ATXN2: variants seen among roughly 807,000 people sequenced by gnomAD.
ATXN2 encodes ataxin-2.
A neutral mutation model predicts 138.6 loss-of-function variants in ATXN2; 37 were observed. The ratio of observed to expected loss-of-function variants is 0.27; its 90% CI spans 0.21 to 0.35. ATXN2 has a LOEUF of 0.35. Among genes scored for constraint, ATXN2 ranks in the 10% least tolerant of loss-of-function variants. The pLI is 1.00. For missense variants in ATXN2, 1,216 were observed against 1,480.3 expected (o/e 0.82, Z 2.93); for synonymous variants, 549 against 543.7 (o/e 1.01, Z -0.13).
chr12:111,464,633 T>C (rs1566005511), intron 21 of ATXN2, 29 bp downstream of exon 21: 1 of 1,557,702 alleles, frequency 6.4e-7, no homozygotes, highest in African/African-American at 1.4e-5. Flanking sequence ...ACTGTACAAT[T>C]AAAAATTAGT....
intron 18 of ATXN2, among the ~76,000 whole-genome samples, chr12:111,480,953 G>T (rs1005937940): frequency 3.3e-5 from 5 of 152,122 alleles, no homozygotes; most frequent in Non-Finnish European, 5.9e-5. Context: ...AAAACAAACA[G>T]ATAAATTGAA....
Position 111,453,332 on chromosome 12 carries a change from A to T in ATXN2, c.3439+345T>A. ...CTCTGCCATGGTAATAACCCCCCAC[A>T]TGTCAGACTTTTGGGACTCAGGAAG... On this transcript the variant is annotated intron_variant, in intron 24 of 24. Coordinates refer to ENST00000673436, the MANE Select transcript of ATXN2 (RefSeq NM_001372574.1). This position sits in a 1 kb window ranked among gnomAD's most constrained non-coding sequence, Gnocchi z 5.4. 9.2e-7 allele frequency: 1 copy of T among 1,086,680 alleles called. No individual in the cohort carries two copies. Among genetic ancestry groups the T allele is most frequent in the Non-Finnish European group, 1.1e-6 (1 of 895,560 alleles). The allele number at this position is 1,086,680 out of a possible 1,614,324, so 67.3% of individuals were successfully genotyped here.
intron 18 of ATXN2, 146 bp downstream of exon 18, chr12:111,485,119 T>C: frequency 1.6e-6 from 1 of 638,504 alleles, no homozygotes; most frequent in Non-Finnish European, 2.7e-6. Context: ...CATGTGAATA[T>C]CTATGTAATG....
chr12:111,508,486 G>A (rs972168526), intron 14 of ATXN2, among the ~76,000 whole-genome samples: 13 of 123,362 alleles, frequency 1.1e-4, no homozygotes, highest in Admixed American at 3.1e-4. Context: ...TTGCTCTGTC[G>A]CCCAGGATGG....
At chr12:111,599,543 T>C, upstream of ATXN2, 1 of 1,193,054 alleles carries the variant, frequency 8.4e-7, no homozygotes, top group Non-Finnish European at 1.0e-6. Context: ...AGGCGCCGGG[T>C]GGGAGCGGAG....
chr12:111,589,067 C>T (rs1884511082), intron 1 of ATXN2, among the ~76,000 whole-genome samples: 1 of 146,556 alleles, frequency 6.8e-6, no homozygotes, highest in South Asian at 2.2e-4. Flanking sequence ...GTAATCCCAG[C>T]ACTTTGGGAG....
intron 14 of ATXN2, among the ~76,000 whole-genome samples, chr12:111,509,274 A>T (rs1268483704): frequency 1.3e-5 from 2 of 152,174 alleles, no homozygotes; most frequent in Non-Finnish European, 2.9e-5. Flanking sequence ...CACTGAACAA[A>T]GTACAAATGA....
intron 18 of ATXN2, among the ~76,000 whole-genome samples, chr12:111,476,191 G>A (rs1023951012): frequency 3.3e-5 from 5 of 152,244 alleles, no homozygotes; most frequent in South Asian, 2.1e-4. Context: ...GGCCTCAAGC[G>A]ATCCTCCTGC....
Position 111,598,557 on chromosome 12 carries a change from G to A in ATXN2, c.251+227C>T. 2 of 984,654 alleles carry A rather than the reference G, an allele frequency of 2.0e-6. No individual in the cohort carries two copies. The highest frequency in any genetic ancestry group is 9.4e-5 in the South Asian group (2 of 21,268). The allele number at this position is 984,654 out of a possible 1,614,324, so 61.0% of individuals were successfully genotyped here. ...CCTCCATCTTGACCGCCGGGGGAGG[G>A]GGCGGGGATGCTGCGGGAGGCTGGA... On this transcript the variant is annotated intron_variant, in intron 1 of 24. Coordinates refer to ENST00000673436, the MANE Select transcript of ATXN2 (RefSeq NM_001372574.1). This position sits in a 1 kb window ranked among gnomAD's most constrained non-coding sequence, Gnocchi z 4.5.
At chr12:111,534,338 T>A (rs150930342) in intron 5 of ATXN2, among the ~76,000 whole-genome samples, 1 of 151,626 alleles carries the variant, frequency 6.6e-6, no homozygotes, top group Non-Finnish European at 1.5e-5. Flanking sequence ...GAGGAGGAGG[T>A]TGCGGTGAGC....
At chr12:111,569,990 A>G (rs1566070681) in intron 1 of ATXN2, among the ~76,000 whole-genome samples, 1 of 152,334 alleles carries the variant, frequency 6.6e-6, no homozygotes, top group South Asian at 2.1e-4. Flanking sequence ...TGTGGCAGCT[A>G]AGCACTTGAA....
intron 1 of ATXN2, among the ~76,000 whole-genome samples, chr12:111,583,493 C>A (rs543924500): frequency 6.6e-6 from 1 of 151,906 alleles, no homozygotes; most frequent in Non-Finnish European, 1.5e-5. Flanking sequence ...TGGCCAGGCA[C>A]GGTAGATCAT....
At chr12:111,545,750 C>T (rs546386225) in intron 5 of ATXN2, among the ~76,000 whole-genome samples, 10 of 151,476 alleles carry the variant, frequency 6.6e-5, no homozygotes, top group Non-Finnish European at 7.4e-5. Flanking sequence ...TTAGGCCCAG[C>T]AGTTTGAGAC....
upstream of ATXN2, chr12:111,599,344 CG>C: frequency 5.6e-5 from 3 of 53,800 alleles, no homozygotes; most frequent in South Asian, 7.5e-4. Flanking sequence ...CGGGGCCGGG[CG>C]GGGGAGGGGC....
chr12:111,498,356 A>G (rs1403577816), intron 14 of ATXN2, among the ~76,000 whole-genome samples: 1 of 152,180 alleles, frequency 6.6e-6, no homozygotes, highest in African/African-American at 2.4e-5. Context: ...ATTAGAACTG[A>G]CAAACAAATT....
At chr12:111,502,955 G>A (rs77965675) in intron 14 of ATXN2, among the ~76,000 whole-genome samples, 1,551 of 152,246 alleles carry the variant, frequency 0.01, 22 homozygotes, top group African/African-American at 0.036. Context: ...TTTGGCTTGG[G>A]GGAAGTAGAT....
intron 14 of ATXN2, among the ~76,000 whole-genome samples, chr12:111,498,814 T>C (rs888121076): frequency 1.3e-5 from 2 of 152,128 alleles, no homozygotes; most frequent in African/African-American, 2.4e-5. Context: ...CTTCAAATTA[T>C]TGTAACCAAA....
chr12:111,488,282 G>A (rs1411675995), intron 15 of ATXN2, among the ~76,000 whole-genome samples, 194 bp downstream of exon 15: 1 of 152,192 alleles, frequency 6.6e-6, no homozygotes, highest in Non-Finnish European at 1.5e-5. Flanking sequence ...AAGAACAGAA[G>A]AGTAGCACAG....
At chr12:111,574,232 C>T (rs190170154) in intron 1 of ATXN2, among the ~76,000 whole-genome samples, 3 of 144,124 alleles carry the variant, frequency 2.1e-5, no homozygotes, top group East Asian at 2.2e-4. Context: ...GGCGTGAACC[C>T]GAGAGGCAGA....
Sources: gnomAD v4.1 joint callset for allele counts (sites outside exome capture counted in the v4.1 genomes callset) on GRCh38, gnomAD v4.1.1 for gene constraint, Gnocchi (gnomAD v3.1) non-coding constraint, MANE v1.5 for transcripts, NCBI Gene and HGNC (gene_info 2026-07-23, HGNC 2026-07-21) for gene names.